The following AGAP3 variants were observed in gnomAD, a reference collection of about 807,000 sequenced individuals.
The protein encoded by AGAP3 is ArfGAP with GTPase domain, ankyrin repeat and PH domain 3.
Under a neutral mutation model 96.9 loss-of-function variants are expected in AGAP3, and 24 were observed. The ratio of observed to expected loss-of-function variants is 0.25; its 90% confidence interval spans 0.18 to 0.35. The LOEUF (loss-of-function observed/expected upper bound fraction) is 0.35, where lower values mean the gene tolerates loss of function less well. Among genes scored for constraint, AGAP3 ranks in the 10% least tolerant of loss-of-function variants. AGAP3 has a pLI of 1.00. For synonymous variants in AGAP3, 563 were observed against 536.1 expected, an observed-to-expected ratio of 1.05 and a Z score of -0.69; for missense variants, 876 against 1,254.2, an observed-to-expected ratio of 0.70 and a Z score of 4.55.
chr7:151,137,877 G>A, intron 11 of AGAP3: 1 of 502,366 alleles, frequency 2.0e-6, no homozygotes, highest in Admixed American at 3.8e-5. Context: ...GAAGATCTCT[G>A]ATGCAGAGAC....
At position 151,117,150 on chromosome 7, in the gene AGAP3, C is replaced by T. The variant is rs1388061900; in HGVS notation, c.446C>T (p.Thr149Met). ...TCAGCCCTGGTGCACCGCTATCTGA[C>T]GGGGACCTATGTCCAGGAGGAGTCC... Reference protein sequence around the residue: ...GKSALVHRYLTGTYVQEESPE... With the variant: ...GKSALVHRYLMGTYVQEESPE... The change falls in exon 3 of 18, where the codon ACG (threonine) becomes ATG (methionine). Residue 149 changes from threonine to methionine, a missense_variant. Around this residue, in one of 8 missense-constraint regions of AGAP3, gnomAD observed 131 missense variants for 304.5 expected, o/e 0.43. Coordinates refer to ENST00000397238, the MANE Select transcript of AGAP3 (RefSeq NM_031946.7). 2.5e-6 allele frequency: 4 copies of T among 1,613,980 alleles called. No individual in the cohort carries two copies. Among genetic ancestry groups the T allele is most frequent in the East Asian group, 2.2e-5 (1 of 44,892 alleles).
At chr7:151,087,752 CCCGGAGTCGGGGACCGGAAA>C in intron 1 of AGAP3, among the ~76,000 whole-genome samples, 1 of 148,786 alleles carries the variant, frequency 6.7e-6, no homozygotes, top group East Asian at 1.9e-4. Context: ...GGACACCGCA[CCCGGAGTCGGGGACCGGAAA>C]CCCCCGGCCA....
At chr7:151,123,108 G>A in intron 8 of AGAP3, 11 of 1,138,828 alleles carry the variant, frequency 9.7e-6, no homozygotes, top group Non-Finnish European at 1.1e-5. Context: ...GCCCGGCCCG[G>A]CTGCTCCTGG....
chr7:151,136,538 C>T (rs557824992), intron 11 of AGAP3: 10 of 152,366 alleles, frequency 6.6e-5, no homozygotes, highest in Non-Finnish European at 1.3e-4. Flanking sequence ...TTATCCGCTG[C>T]TTTATGCAGA....
rs1799682733 is a variant in AGAP3 at position 151,118,073 on chromosome 7, G to A, written c.707-137G>A. ...CATGGAAGGGTTGAAATGAGACCCA[G>A]GCACCCGCGTTCTTGGTGCTCTGTG... On this transcript the variant is annotated intron_variant, in intron 5 of 17. Coordinates refer to ENST00000397238, the MANE Select transcript of AGAP3 (RefSeq NM_031946.7). This position sits in a 1 kb window ranked among gnomAD's most constrained non-coding sequence, Gnocchi z 6.1. 8.3e-7 allele frequency: 1 copy of A among 1,209,942 alleles called. No individual in the cohort carries two copies. Among genetic ancestry groups the A allele is most frequent in the Non-Finnish European group, 1.1e-6 (1 of 872,626 alleles). The allele number at this position is 1,209,942 out of a possible 1,614,324, so 75.0% of individuals were successfully genotyped here.
intron 8 of AGAP3, chr7:151,123,380 G>A (rs954785549): frequency 5.6e-6 from 6 of 1,064,696 alleles, no homozygotes; most frequent in East Asian, 8.0e-5. Context: ...GCCACGTGCC[G>A]TGTGGTGTCT....
At position 151,133,429 on chromosome 7, in the gene AGAP3, A is replaced by G. The variant is rs1443102887; in HGVS notation, c.1327-971A>G. Among the ~76,000 whole-genome samples the G allele has an allele frequency of 6.8e-6, 1 of 146,000 alleles. No individual in the cohort carries two copies. Among genetic ancestry groups the G allele is most frequent in the African/African-American group, 2.5e-5 (1 of 39,468 alleles). On this transcript the variant is annotated intron_variant, in intron 10 of 17. Transcript: ENST00000397238. The surrounding 1 kb of genome is among the most constrained non-coding windows in gnomAD (Gnocchi z 5.4). ...CCAGGCCAGGAAGCGGCAGGCTCCC[A>G]CCCTCCCTCCCTGCACTCGGCCGTG...
chr7:151,105,792 C>CCACACACACACACACACACACA (rs60071807), intron 1 of AGAP3, among the ~76,000 whole-genome samples: 33 of 26,920 alleles, frequency 1.2e-3, no homozygotes, highest in African/African-American at 3.9e-3. Flanking sequence ...CCCCCCGACA[C>CCACACACACACACACACACACA]CACACACACA....
In AGAP3 at chr7:151,140,249, A is replaced by G; in HGVS notation, c.1804+133A>G. 1 of 1,074,200 alleles carries G rather than the reference A, an allele frequency of 9.3e-7. No individual in the cohort carries two copies. The highest frequency in any genetic ancestry group is 1.6e-5 in the African/African-American group (1 of 61,062). The allele number at this position is 1,074,200 out of a possible 1,614,324, so 66.5% of individuals were successfully genotyped here. ...AGCACTTTCTAGTAGTTGCTAATCAAAGTAGTTCTACAGCTTCTTTTGGTA... is the reference window on the plus strand; with the variant it reads ...AGCACTTTCTAGTAGTTGCTAATCAGAGTAGTTCTACAGCTTCTTTTGGTA... On this transcript the variant is annotated intron_variant, in intron 13 of 17. Transcript: ENST00000397238. The surrounding 1 kb of genome is among the most constrained non-coding windows in gnomAD (Gnocchi z 5.4).
At chr7:151,120,591 G>A (rs1799833272) in intron 8 of AGAP3, 1 of 1,289,628 alleles carries the variant, frequency 7.8e-7, no homozygotes, top group Non-Finnish European at 1.0e-6. Flanking sequence ...GCTAGAGTCA[G>A]AGCCCAGGCC....
Position 151,143,847 on chromosome 7 carries a change from T to C in AGAP3, c.2640T>C (p.Pro880=). ...CADILIQHGC[P]GEGCGLAPTP... ...ACATCTTGATCCAGCATGGCTGCCC[T>C]GGGGAGGGCTGTGGCTTAGCGCCTA... The change falls in exon 18 of 18, where the codon CCT becomes CCC. Residue 880 remains proline (P), a synonymous_variant. Coordinates refer to ENST00000397238, the MANE Select transcript of AGAP3 (RefSeq NM_031946.7). The surrounding 1 kb of genome is among the most constrained non-coding windows in gnomAD (Gnocchi z 5.9). The C allele has an allele frequency of 6.2e-7, 1 of 1,613,974 alleles. No individual in the cohort carries two copies. Among genetic ancestry groups the C allele is most frequent in the Non-Finnish European group, 8.5e-7 (1 of 1,180,012 alleles).
chr7:151,120,432 C>A, intron 8 of AGAP3: 1 of 680,016 alleles, frequency 1.5e-6, no homozygotes, highest in Non-Finnish European at 2.7e-6. Context: ...GCCTTCCTCT[C>A]TCCTAGGCCC....
intron 10 of AGAP3, among the ~76,000 whole-genome samples, chr7:151,132,606 G>A (rs957892874): frequency 8.5e-5 from 13 of 152,230 alleles, no homozygotes; most frequent in African/African-American, 3.1e-4. Flanking sequence ...CAGGCTCGGC[G>A]AGACCCACAG....
intron 9 of AGAP3, among the ~76,000 whole-genome samples, chr7:151,126,084 C>G (rs1464075041): frequency 6.8e-6 from 1 of 146,502 alleles, no homozygotes; most frequent in African/African-American, 2.4e-5. Context: ...CTGAGCGGCC[C>G]GGTCGTTCCG....
intron 1 of AGAP3, among the ~76,000 whole-genome samples, chr7:151,093,287 T>C (rs1447207123): frequency 1.3e-5 from 2 of 152,076 alleles, no homozygotes; most frequent in Non-Finnish European, 2.9e-5. Context: ...ACTGCAAATA[T>C]GCACCAGCAC....
intron 11 of AGAP3, 36 bp from the exon 12 acceptor site, chr7:151,138,107 G>A (rs772616336): frequency 2.8e-5 from 42 of 1,498,516 alleles, no homozygotes; most frequent in African/African-American, 1.8e-4. Flanking sequence ...TCCCCTGCCC[G>A]GCCTCCCTTC....
intron 1 of AGAP3, chr7:151,115,046 G>T: frequency 2.0e-6 from 2 of 1,002,978 alleles, no homozygotes; most frequent in South Asian, 4.1e-5. Context: ...TGGCGCCCTC[G>T]GGACCGCCCG....
rs1433116440 is a variant in AGAP3, at chr7:151,140,865, G to C, written c.1804+749G>C. ...GAGATCACGTAGTTCGAAGGCTGTG[G>C]TTGAAAGCAAGGTGAGGCGCAGTGG... On this transcript the variant is annotated intron_variant, in intron 13 of 17. Coordinates refer to ENST00000397238, the MANE Select transcript of AGAP3 (RefSeq NM_031946.7). The surrounding 1 kb of genome is among the most constrained non-coding windows in gnomAD (Gnocchi z 5.4). 1 of 152,254 alleles carries C rather than the reference G, an allele frequency of 6.6e-6. No homozygotes were observed. Among genetic ancestry groups the C allele is most frequent in the Non-Finnish European group, 1.5e-5 (1 of 68,076 alleles). 9.4% of individuals were successfully genotyped at this position (152,254 alleles called of 1,614,324 possible).
upstream of AGAP3, among the ~76,000 whole-genome samples, chr7:151,086,267 G>A (rs1283681954): frequency 6.6e-6 from 1 of 151,402 alleles, no homozygotes; most frequent in Non-Finnish European, 1.5e-5. Context: ...GGGAGGGGCC[G>A]GGGCGCCAGG....
Sources: gnomAD v4.1 joint callset for allele counts (sites outside exome capture counted in the v4.1 genomes callset) on GRCh38, gnomAD v4.1.1 for gene constraint, gnomAD v4.1.1 regional missense constraint, Gnocchi (gnomAD v3.1) non-coding constraint, MANE v1.5 for transcripts, NCBI Gene and HGNC (gene_info 2026-07-23, HGNC 2026-07-21) for gene names.